LRRK1: variants seen among roughly 807,000 people sequenced by gnomAD.
LRRK1 encodes the protein leucine-rich repeat serine/threonine-protein kinase 1.
A neutral mutation model predicts 209.1 loss-of-function variants in LRRK1; 113 were observed. The observed-to-expected ratio is 0.54, with a 90% CI of 0.46 to 0.63. The LOEUF (loss-of-function observed/expected upper bound fraction) is 0.63. LRRK1 is among the 30% of genes least tolerant of loss of function. The pLI is 0.00. For synonymous variants in LRRK1, 1,144 were observed against 1,099.7 expected, an observed-to-expected ratio of 1.04 and a Z score of -0.80; for missense variants, 2,284 against 2,632.2, an observed-to-expected ratio of 0.87 and a Z score of 2.89.
chr15:101,037,454 A>T (rs1272652530), intron 20 of LRRK1, among the ~76,000 whole-genome samples: 8 of 152,160 alleles, frequency 5.3e-5, no homozygotes, highest in African/African-American at 1.9e-4. Flanking sequence ...ACATGAAGCC[A>T]GGTCAGGTGG....
chr15:101,046,300 G>T, intron 21 of LRRK1, 148 bp downstream of exon 21: 1 of 933,518 alleles, frequency 1.1e-6, no homozygotes, highest in South Asian at 1.6e-5. Flanking sequence ...CAGGGGGCAG[G>T]TGTGGCATGG....
rs375385228 is a variant in LRRK1 at position 101,027,421 on chromosome 15, C to T, written c.2526+40C>T. 1.3e-4 allele frequency: 213 copies of T among 1,599,464 alleles called. 1 individual carries two copies. In the African/African-American group the frequency reaches 2.5e-3, roughly 19 times the overall value. On this transcript the variant is annotated intron_variant, in intron 18 of 33. Transcript: ENST00000388948. The surrounding 1 kb of genome is among the most constrained non-coding windows in gnomAD (Gnocchi z 5.1). ...GGTCCAGTTTAAACCAGTCTGCCTGCTTCCCATTGTTGGGGGTCCTCACTT... is the reference window on the plus strand; with the variant it reads ...GGTCCAGTTTAAACCAGTCTGCCTGTTTCCCATTGTTGGGGGTCCTCACTT...
At chr15:101,003,901 G>A (rs1209508303) in intron 6 of LRRK1, among the ~76,000 whole-genome samples, 2 of 152,124 alleles carry the variant, frequency 1.3e-5, no homozygotes, top group Admixed American at 1.3e-4. Context: ...GGGAGGCGGG[G>A]GAGGTCTGCA....
intron 2 of LRRK1, among the ~76,000 whole-genome samples, chr15:100,950,233 C>CAATT (rs142523493): frequency 0.55 from 83,484 of 151,650 alleles, 23,226 homozygotes; most frequent in African/African-American, 0.65. Flanking sequence ...ATTAAGAAAA[C>CAATT]ACATTTACAA....
intron 2 of LRRK1, among the ~76,000 whole-genome samples, chr15:100,943,518 T>G (rs1324700289): frequency 4.6e-5 from 7 of 152,140 alleles, no homozygotes; most frequent in Admixed American, 4.6e-4. Context: ...TTCTAAAAAT[T>G]TAAATAAACA....
chr15:101,020,987 T>C lies in LRRK1; in HGVS notation c.1610-66T>C, dbSNP rs1425823014. 4 of 1,594,558 alleles carry C rather than the reference T, an allele frequency of 2.5e-6. No individual in the cohort carries two copies. In the African/African-American group the frequency reaches 4.0e-5, roughly 16 times the overall value. ...GGTTGCATCAGTTTATACGCCCACCTGGTCACCACGCTGTGACGGTCCAGA... is the reference window on the plus strand; with the variant it reads ...GGTTGCATCAGTTTATACGCCCACCCGGTCACCACGCTGTGACGGTCCAGA... On this transcript the variant is annotated intron_variant, in intron 12 of 33. Transcript: ENST00000388948.
At chr15:101,013,498 C>G (rs2033378356) in intron 10 of LRRK1, among the ~76,000 whole-genome samples, 1 of 152,120 alleles carries the variant, frequency 6.6e-6, no homozygotes, top group African/African-American at 2.4e-5. Flanking sequence ...ACCGTACTCC[C>G]AGCACTTTGC....
chr15:101,048,321 G>A lies in LRRK1; in HGVS notation c.3136-173G>A, dbSNP rs114139027. Among the ~76,000 whole-genome samples, 628 of 152,246 alleles carry A rather than the reference G, an allele frequency of 4.1e-3. 3 individuals carry two copies. Among genetic ancestry groups the A allele is most frequent in the African/African-American group, 0.011 (472 of 41,546 alleles). On this transcript the variant is annotated intron_variant, in intron 21 of 33. Coordinates refer to ENST00000388948, the MANE Select transcript of LRRK1 (RefSeq NM_024652.6). ...GTTTCCGGAATTCCCTGGAGACCCC[G>A]TCAGCTAATGTAACGTTCAATTTGG...
chr15:100,952,463 C>T (rs1214736944), intron 2 of LRRK1, among the ~76,000 whole-genome samples: 2 of 152,194 alleles, frequency 1.3e-5, no homozygotes, highest in East Asian at 1.9e-4. Context: ...CTAATGCCTA[C>T]ATCGTTTTAT....
At chr15:101,045,732 A>G (rs1282366112) in intron 20 of LRRK1, among the ~76,000 whole-genome samples, 1 of 152,188 alleles carries the variant, frequency 6.6e-6, no homozygotes, top group African/African-American at 2.4e-5. Flanking sequence ...TTATTCTAGT[A>G]TCTTAGAAAC....
At chr15:100,964,054 C>T (rs12437611) in intron 2 of LRRK1, among the ~76,000 whole-genome samples, 30,685 of 152,000 alleles carry the variant, frequency 0.2, 3,442 homozygotes, top group East Asian at 0.5. Flanking sequence ...TAATCTATGC[C>T]GTGAAGCATT....
rs1432901904 is a variant in LRRK1, at chr15:101,006,830, C to G, written c.763-2007C>G. Among the ~76,000 whole-genome samples the G allele has an allele frequency of 2.0e-5, 3 of 152,136 alleles. No homozygotes were observed. The East Asian group carries it at 5.8e-4, about 29-fold the overall frequency. On this transcript the variant is annotated intron_variant, in intron 6 of 33. Transcript: ENST00000388948. Reference sequence around the variant, plus strand: ...GAGAGTGCACAGGTATTCACTGTGTCCTAGTGCAACTTTTCTGAAATTTAA... The same window carrying G: ...GAGAGTGCACAGGTATTCACTGTGTGCTAGTGCAACTTTTCTGAAATTTAA...
intron 21 of LRRK1, among the ~76,000 whole-genome samples, chr15:101,046,524 G>A (rs559127552): frequency 6.6e-6 from 1 of 152,354 alleles, no homozygotes; most frequent in East Asian, 1.9e-4. Flanking sequence ...ATTCCCCGAG[G>A]TGATGCCGCC....
Position 100,988,616 on chromosome 15 carries a change from C to T in LRRK1, c.434-18C>T. The T allele has an allele frequency of 1.2e-6, 2 of 1,613,816 alleles. No individual in the cohort carries two copies. Among genetic ancestry groups the T allele is most frequent in the Non-Finnish European group, 1.7e-6 (2 of 1,179,860 alleles). ...CCCTTCAGTGGCACTTTCCCTTTGT[C>T]CTGCCATCTCCTGCCAGGTCCCTGC... On this transcript the variant is annotated intron_variant, in intron 4 of 33. Transcript: ENST00000388948.
chr15:101,026,933 G>A (rs190598813), intron 17 of LRRK1, among the ~76,000 whole-genome samples: 56 of 152,214 alleles, frequency 3.7e-4, no homozygotes, highest in African/African-American at 1.3e-3. Context: ...GAGGAGTCCT[G>A]GCTCTGGGTC....
At chr15:100,975,842 T>C (rs1465065674) in intron 3 of LRRK1, among the ~76,000 whole-genome samples, 3 of 152,040 alleles carry the variant, frequency 2.0e-5, no homozygotes, top group Admixed American at 6.5e-5. Context: ...GTAAAAATAA[T>C]TTGAAAGTTT....
At chr15:100,990,208 T>C (rs539958920) in intron 6 of LRRK1, among the ~76,000 whole-genome samples, 1 of 152,352 alleles carries the variant, frequency 6.6e-6, no homozygotes, top group African/African-American at 2.4e-5. Flanking sequence ...TTTAGTATTC[T>C]ATCATGGACT....
chr15:100,968,732 C>G (rs1334787290), intron 2 of LRRK1, among the ~76,000 whole-genome samples: 1 of 135,536 alleles, frequency 7.4e-6, no homozygotes, highest in African/African-American at 2.8e-5. Context: ...CCTTCCCTTC[C>G]CTTCCCTTTT....
intron 31 of LRRK1, 136 bp downstream of exon 31, chr15:101,062,826 G>A (rs1425874260): frequency 5.7e-6 from 4 of 700,908 alleles, no homozygotes; most frequent in Non-Finnish European, 1.0e-5. Flanking sequence ...ACTTAGAGAC[G>A]GTGGGAGGAA....
Sources: allele counts gnomAD v4.1 joint callset (sites outside exome capture counted in the v4.1 genomes callset), GRCh38; gene constraint gnomAD v4.1.1; non-coding constraint Gnocchi (gnomAD v3.1); transcripts MANE v1.5; gene names NCBI Gene and HGNC (gene_info 2026-07-23, HGNC 2026-07-21).